SPATS1: variants seen among roughly 807,000 people sequenced by gnomAD.
SPATS1 encodes the protein spermatogenesis-associated serine-rich protein 1.
A neutral mutation model predicts 33.6 loss-of-function variants in SPATS1; 23 were observed. That is an observed-to-expected ratio of 0.68 (90% confidence interval 0.49 to 0.97). The LOEUF is 0.97. Among genes scored for constraint, SPATS1 ranks in the 50% least tolerant of loss-of-function variants. The pLI is 0.00. For missense variants in SPATS1, 327 were observed against 361.0 expected (o/e 0.91, Z 0.76); for synonymous variants, 131 against 125.6 (o/e 1.04, Z -0.29).
rs955337013 is a variant in SPATS1 at position 44,362,104 on chromosome 6, C to T, written c.574+112C>T. The T allele has an allele frequency of 2.3e-4, 311 of 1,329,730 alleles. 2 individuals carry two copies. The highest frequency in any genetic ancestry group is 1.6e-3 in the Admixed American group (84 of 51,674). 82.4% of individuals were successfully genotyped at this position (1,329,730 alleles called of 1,614,324 possible). A position where few individuals can be genotyped will look rare whatever the true frequency, so the allele number is the denominator to read the frequency against. On this transcript the variant is annotated intron_variant, in intron 5 of 8. Coordinates refer to ENST00000674044, the MANE Select transcript of SPATS1 (RefSeq NM_001372081.1). ...GGCAGCCCTGTAGAGTCACCATGTT[C>T]CCCTAGTGCAGCCAGGAAGACAGAA...
intron 5 of SPATS1, among the ~76,000 whole-genome samples, chr6:44,363,938 A>G (rs1452969326): frequency 2.0e-5 from 3 of 152,178 alleles, no homozygotes; most frequent in African/African-American, 4.8e-5. Flanking sequence ...CGAATATTCC[A>G]TCTTTCCTCC....
At chr6:44,347,339 G>T (rs959200694) in intron 2 of SPATS1, among the ~76,000 whole-genome samples, 1 of 147,346 alleles carries the variant, frequency 6.8e-6, no homozygotes, top group African/African-American at 2.5e-5. Flanking sequence ...AAACCTGTAC[G>T]TTTTACACAT....
intron 5 of SPATS1, among the ~76,000 whole-genome samples, chr6:44,366,425 C>G (rs1379462643): frequency 6.6e-6 from 1 of 152,042 alleles, no homozygotes; most frequent in East Asian, 1.9e-4. Context: ...CGCCTGGCCA[C>G]CATAGTCTAT....
chr6:44,360,396 T>C (rs756022447), intron 3 of SPATS1, 50 bp from the exon 4 acceptor site: 1 of 1,612,002 alleles, frequency 6.2e-7, no homozygotes, highest in South Asian at 1.1e-5. Context: ...GAGATCAGGC[T>C]GTAACTACCA....
At chr6:44,357,464 C>T (rs542325047) in intron 3 of SPATS1, among the ~76,000 whole-genome samples, 2 of 152,154 alleles carry the variant, frequency 1.3e-5, no homozygotes. Context: ...CTCACTGGAA[C>T]CTTGGCCTCC....
At chr6:44,362,284 C>T (rs1788968772) in intron 5 of SPATS1, among the ~76,000 whole-genome samples, 1 of 152,206 alleles carries the variant, frequency 6.6e-6, no homozygotes, top group South Asian at 2.1e-4. Flanking sequence ...ATAGAAACCT[C>T]CATTGAAGTC....
In SPATS1 at chr6:44,352,779, C is replaced by T. The variant is rs1788318631; in HGVS notation, c.193C>T (p.Pro65Ser). Residue 65 changes from proline (P) to serine (S), a missense_variant, in exon 3 of 9, where the codon CCC (proline) becomes TCC (serine). Transcript: ENST00000674044. ...ESKGCFANTTPSGKSVSSSSS... is the reference protein window; with the variant it reads ...ESKGCFANTTSSGKSVSSSSS... ...TAAGGGATGTTTTGCCAACACAACA[C>T]CCTCTGGCAAAAGTGTCAGTTCCTC... 1.2e-6 allele frequency: 2 copies of T among 1,613,986 alleles called. No homozygotes were observed. Among genetic ancestry groups the T allele is most frequent in the African/African-American group, 2.7e-5 (2 of 74,920 alleles).
At chr6:44,356,883 A>G (rs1788619804) in intron 3 of SPATS1, among the ~76,000 whole-genome samples, 1 of 152,198 alleles carries the variant, frequency 6.6e-6, no homozygotes, top group Admixed American at 6.5e-5. Flanking sequence ...ACAGGAGGGA[A>G]TAAATACCAA....
At chr6:44,365,323 G>T (rs1051670286) in intron 5 of SPATS1, among the ~76,000 whole-genome samples, 5 of 152,208 alleles carry the variant, frequency 3.3e-5, no homozygotes, top group African/African-American at 1.2e-4. Flanking sequence ...TAGGGAAATA[G>T]ATCTGAAAAT....
intron 7 of SPATS1, 110 bp downstream of exon 7, chr6:44,370,223 T>C: frequency 1.0e-6 from 1 of 993,650 alleles, no homozygotes; most frequent in East Asian, 2.4e-5. Context: ...AGGGCCCTTT[T>C]GAATCCCAGC....
intron 2 of SPATS1, among the ~76,000 whole-genome samples, chr6:44,349,605 C>T (rs941944192): frequency 6.6e-6 from 1 of 152,024 alleles, no homozygotes; most frequent in African/African-American, 2.4e-5. Flanking sequence ...TAATTGGCAG[C>T]CTTTGTTCTT....
intron 2 of SPATS1, among the ~76,000 whole-genome samples, chr6:44,348,233 T>A (rs1374117350): frequency 1.3e-5 from 2 of 152,130 alleles, no homozygotes; most frequent in African/African-American, 4.8e-5. Context: ...AGTCTTGAAC[T>A]CCTGACCTCA....
chr6:44,369,380 T>C (rs976540484), intron 6 of SPATS1, among the ~76,000 whole-genome samples: 5 of 151,700 alleles, frequency 3.3e-5, no homozygotes, highest in African/African-American at 7.3e-5. Flanking sequence ...TAAAATCCCG[T>C]GTCTACTAAA....
chr6:44,357,342 G>A (rs1788652587), intron 3 of SPATS1, among the ~76,000 whole-genome samples: 1 of 151,904 alleles, frequency 6.6e-6, no homozygotes, highest in African/African-American at 2.4e-5. Context: ...CTTTTTCTGG[G>A]GAATTGATTT....
chr6:44,374,293 C>T lies in SPATS1; in HGVS notation c.759-2065C>T, dbSNP rs533915209. On this transcript the variant is annotated intron_variant, in intron 7 of 8. Transcript: ENST00000674044. ...TATTTCCTTACTTTTGTTCACTTGG[C>T]CTAGTTTGGACTGAGAGTTAGTGTG... 2.0e-5 allele frequency among the ~76,000 whole-genome samples: 3 copies of T among 152,244 alleles called. No homozygotes were observed. The South Asian group carries it at 6.2e-4, about 32-fold the overall frequency.
chr6:44,362,553 G>A (rs935162904), intron 5 of SPATS1, among the ~76,000 whole-genome samples: 3 of 152,202 alleles, frequency 2.0e-5, no homozygotes, highest in African/African-American at 7.2e-5. Context: ...AAAAGTTGCT[G>A]AGTACCAACT....
At chr6:44,346,417 ACT>A in intron 2 of SPATS1, among the ~76,000 whole-genome samples, 1 of 152,138 alleles carries the variant, frequency 6.6e-6, no homozygotes, top group South Asian at 2.1e-4. Context: ...ATGGGGTCTC[ACT>A]CTGTCACCCA....
intron 6 of SPATS1, 81 bp downstream of exon 6, chr6:44,368,580 A>G: frequency 7.4e-7 from 1 of 1,350,208 alleles, no homozygotes; most frequent in Non-Finnish European, 1.0e-6. Context: ...TTATATTTTA[A>G]AAGGGATAGA....
chr6:44,368,794 GACT>G (rs1252807852), intron 6 of SPATS1, among the ~76,000 whole-genome samples: 3 of 152,168 alleles, frequency 2.0e-5, no homozygotes, highest in Non-Finnish European at 4.4e-5. Flanking sequence ...TGGCCATAGT[GACT>G]ACTATGTGGG....
Sources: gnomAD v4.1 joint callset for allele counts (sites outside exome capture counted in the v4.1 genomes callset) on GRCh38, gnomAD v4.1.1 for gene constraint, MANE v1.5 for transcripts, NCBI Gene and HGNC (gene_info 2026-07-23, HGNC 2026-07-21) for gene names.